Variants in PDE3B observed in about 807,000 individuals in gnomAD.
The protein encoded by PDE3B is phosphodiesterase 3B, also known as cGMP-inhibited 3',5'-cyclic phosphodiesterase 3B.
Under a neutral mutation model 116.8 loss-of-function variants are expected in PDE3B, and 66 were observed. The observed-to-expected ratio is 0.56, with a 90% CI of 0.46 to 0.69. The LOEUF (loss-of-function observed/expected upper bound fraction) is 0.69, where lower values mean the gene tolerates loss of function less well. Ranked by LOEUF, PDE3B falls within the 30% of genes least tolerant of loss-of-function variation. The pLI is 0.00. For missense variants in PDE3B, 1,384 were observed against 1,368.1 expected (o/e 1.01, Z -0.18); for synonymous variants, 595 against 533.6 (o/e 1.12, Z -1.59).
intron 14 of PDE3B, 64 bp downstream of exon 14, chr11:14,861,430 G>C: frequency 7.0e-7 from 1 of 1,432,442 alleles, no homozygotes; most frequent in East Asian, 2.3e-5. Context: ...CTACTCTTTG[G>C]GTTTTGGATA....
chr11:14,745,697 T>G (rs1434014310), intron 1 of PDE3B, among the ~76,000 whole-genome samples: 2 of 152,194 alleles, frequency 1.3e-5, no homozygotes, highest in Non-Finnish European at 2.9e-5. Flanking sequence ...TTTCCTCCTT[T>G]CCTCGCTATA....
the PDE3B span, chr11:14,877,987 T>C: frequency 1.0e-5 from 9 of 892,670 alleles, no homozygotes; most frequent in East Asian, 7.4e-5. Flanking sequence ...TCTAGTACTA[T>C]TTTAAGACAC....
intron 1 of PDE3B, among the ~76,000 whole-genome samples, chr11:14,748,720 A>G (rs1029206710): frequency 6.6e-6 from 1 of 152,008 alleles, no homozygotes; most frequent in African/African-American, 2.4e-5. Flanking sequence ...TTCATTCATT[A>G]TGGTTTTGGA....
intron 14 of PDE3B, among the ~76,000 whole-genome samples, chr11:14,864,575 A>G (rs536065865): frequency 1.1e-4 from 17 of 152,332 alleles, no homozygotes; most frequent in African/African-American, 4.1e-4. Flanking sequence ...CAGCAAATGT[A>G]AAAGAATGGA....
chr11:14,861,685 A>T (rs1055683963), intron 14 of PDE3B, among the ~76,000 whole-genome samples: 13 of 152,208 alleles, frequency 8.5e-5, no homozygotes, highest in African/African-American at 3.1e-4. Flanking sequence ...AAAGAATTCA[A>T]CTGAGGGGCA....
At chr11:14,694,669 G>A (rs1013927206) in intron 1 of PDE3B, among the ~76,000 whole-genome samples, 1 of 151,908 alleles carries the variant, frequency 6.6e-6, no homozygotes, top group African/African-American at 2.4e-5. Context: ...TTATGCACTG[G>A]GAAACCAAAA....
At chr11:14,811,484 C>T (rs568971948) in intron 5 of PDE3B, among the ~76,000 whole-genome samples, 26 of 152,068 alleles carry the variant, frequency 1.7e-4, no homozygotes, top group South Asian at 2.1e-4. Flanking sequence ...TGTAGATATG[C>T]GGCGTGATTT....
intron 1 of PDE3B, among the ~76,000 whole-genome samples, chr11:14,668,646 A>G (rs12283049): frequency 0.19 from 28,166 of 152,148 alleles, 3,362 homozygotes; most frequent in Admixed American, 0.31. Context: ...ATGAACAGAA[A>G]GTATACAATG....
At chr11:14,898,296 AAAG>A in the PDE3B span, among the ~76,000 whole-genome samples, 264 of 152,150 alleles carry the variant, frequency 1.7e-3, 1 homozygote, top group African/African-American at 5.9e-3. Flanking sequence ...AACCTGTTTT[AAAG>A]AAGAAGGAAT....
intron 1 of PDE3B, among the ~76,000 whole-genome samples, chr11:14,654,033 A>G (rs980396416): frequency 6.6e-6 from 1 of 152,082 alleles, no homozygotes; most frequent in Non-Finnish European, 1.5e-5. Flanking sequence ...ACACACACAC[A>G]CAAAGTTATA....
intron 5 of PDE3B, among the ~76,000 whole-genome samples, chr11:14,812,622 C>T (rs1259105668): frequency 6.6e-6 from 1 of 152,006 alleles, no homozygotes; most frequent in East Asian, 1.9e-4. Flanking sequence ...TACACTGATA[C>T]AAAAATGATA....
chr11:14,816,124 T>C (rs1859323889), intron 5 of PDE3B, among the ~76,000 whole-genome samples: 2 of 152,192 alleles, frequency 1.3e-5, no homozygotes, highest in Admixed American at 1.3e-4. Context: ...GACAAAATTT[T>C]TTCCTCTTTA....
chr11:14,673,763 C>T, intron 1 of PDE3B: 2 of 779,106 alleles, frequency 2.6e-6, no homozygotes, highest in Non-Finnish European at 4.8e-6. Flanking sequence ...CAAGTAATCT[C>T]AGGAGATGTG....
intron 1 of PDE3B, among the ~76,000 whole-genome samples, chr11:14,653,797 G>A (rs112253282): frequency 0.082 from 12,407 of 151,848 alleles, 532 homozygotes; most frequent in Middle Eastern, 0.13. Context: ...CCAGAAGTTC[G>A]AGACCAGCCT....
chr11:14,750,474 AGT>A (rs2133875253), intron 1 of PDE3B, among the ~76,000 whole-genome samples: 1 of 152,216 alleles, frequency 6.6e-6, no homozygotes, highest in Admixed American at 6.5e-5. Context: ...TATCCACTAT[AGT>A]TGTTGCAGAT....
At chr11:14,772,471 C>T (rs1257774530) in intron 2 of PDE3B, 1 of 152,138 alleles carries the variant, frequency 6.6e-6, no homozygotes, top group Non-Finnish European at 1.5e-5. Context: ...GTGTACAGCT[C>T]AATTTTCAGA....
Position 14,644,084 on chromosome 11 carries a change from G to C in PDE3B, c.9G>C (p.Arg3Ser). ...CACCCCCGGCCCCAGCCATGAGGAGGGACGAGCGAGACGCCAAAGCCATGC... is the reference window on the plus strand; with the variant it reads ...CACCCCCGGCCCCAGCCATGAGGAGCGACGAGCGAGACGCCAAAGCCATGC... MR[R>S]DERDAKAMRS... is the part of the protein sequence containing the mutation. The change falls in exon 1 of 16, where the codon AGG becomes AGC. Residue 3 changes from arginine (R) to serine (S), a missense_variant. Transcript: ENST00000282096. 1 of 1,547,902 alleles carries C rather than the reference G, an allele frequency of 6.5e-7. No individual in the cohort carries two copies. Among genetic ancestry groups the C allele is most frequent in the South Asian group, 1.2e-5 (1 of 84,990 alleles).
chr11:14,892,075 G>T, the PDE3B span: 1 of 1,611,982 alleles, frequency 6.2e-7, no homozygotes, highest in East Asian at 2.2e-5. Context: ...TGGCAGCCCC[G>T]GCGGCCCCGG....
At chr11:14,706,113 T>C (rs1459029477) in intron 1 of PDE3B, among the ~76,000 whole-genome samples, 1 of 151,616 alleles carries the variant, frequency 6.6e-6, no homozygotes, top group Non-Finnish European at 1.5e-5. Context: ...TTACCTTCCT[T>C]TCTCCCCCTC....
Sources: allele counts gnomAD v4.1 joint callset (sites outside exome capture counted in the v4.1 genomes callset), GRCh38; gene constraint gnomAD v4.1.1; transcripts MANE v1.5; gene names NCBI Gene and HGNC (gene_info 2026-07-23, HGNC 2026-07-21).